Variants in NUCB1 observed in about 807,000 individuals in gnomAD.
NUCB1 encodes the protein nucleobindin 1.
In NUCB1, 47 loss-of-function variants were observed where a neutral mutation model predicts 61.2. The observed-to-expected ratio is 0.77, with a 90% CI of 0.61 to 0.98. The LOEUF is 0.98. Ranked by LOEUF, NUCB1 falls within the 50% of genes least tolerant of loss-of-function variation. The pLI, the probability that NUCB1 is intolerant of heterozygous loss-of-function variation, is 0.00. For synonymous variants in NUCB1, 234 were observed against 243.1 expected, an observed-to-expected ratio of 0.96 and a Z score of 0.35; for missense variants, 583 against 605.3, an observed-to-expected ratio of 0.96 and a Z score of 0.39.
rs1415578181 is a variant in NUCB1, at chr19:48,904,340, G to T, written c.136-7G>T. On this transcript the variant is annotated splice_polypyrimidine_tract_variant and splice_region_variant and intron_variant, in intron 2 of 12. Transcript: ENST00000405315. ...AGGGGCTGCTATGTCTGTCCTTGTT[G>T]CCTCAGGACACAGGCCTGTACTACC... 1 of 1,582,592 alleles carries T rather than the reference G, an allele frequency of 6.3e-7. No individual in the cohort carries two copies. Among genetic ancestry groups the T allele is most frequent in the Non-Finnish European group, 8.7e-7 (1 of 1,151,536 alleles).
rs770403727 is a variant in NUCB1, at chr19:48,919,070, T to C, written c.857T>C (p.Met286Thr). 1.9e-6 allele frequency: 3 copies of C among 1,613,992 alleles called. No homozygotes were observed. Among genetic ancestry groups the C allele is most frequent in the Non-Finnish European group, 2.5e-6 (3 of 1,179,980 alleles). The stretch of plus-strand genomic sequence containing the variant: ...GACCCAAAGAATGAGGAGGACGACA[T>C]GCGGGAGATGGAGGAGGAGCGACTG... The part of the protein sequence containing the change: ...VYDPKNEEDD[M>T]REMEEERLRM... The change falls in exon 9 of 13, where the codon ATG becomes ACG. Residue 286 changes from methionine (M) to threonine (T), a missense_variant. By Grantham distance (81) the Met-to-Thr change is moderately conservative. Coordinates refer to ENST00000405315, the MANE Select transcript of NUCB1 (RefSeq NM_006184.6).
At chr19:48,919,815 CT>C (rs2037588938) in intron 10 of NUCB1, among the ~76,000 whole-genome samples, 1 of 132,062 alleles carries the variant, frequency 7.6e-6, no homozygotes, top group Admixed American at 8.9e-5. Context: ...GTCGCGTAGG[CT>C]GGAGCCCAGT....
chr19:48,908,076 T>C (rs1274853910), intron 4 of NUCB1, among the ~76,000 whole-genome samples: 1 of 152,182 alleles, frequency 6.6e-6, no homozygotes, highest in East Asian at 1.9e-4. Context: ...TGTTCATCCC[T>C]TGGTCGCCTG....
chr19:48,917,275 T>C (rs1028090755), intron 7 of NUCB1, among the ~76,000 whole-genome samples: 2 of 152,218 alleles, frequency 1.3e-5, no homozygotes, highest in Non-Finnish European at 1.5e-5. Flanking sequence ...AGGCAGTCCC[T>C]ACAGACCAGA....
rs562156375 is a variant in NUCB1 at position 48,922,377 on chromosome 19, A to G, written c.1339A>G (p.Lys447Glu). Residue 447 changes from lysine (K) to glutamate (E), a missense_variant, in exon 13 of 13, where the codon AAA (lysine) becomes GAA (glutamate). Transcript: ENST00000405315. ...GAAGGAGGTGGACACTTCAGAAAAG[A>G]AACTTCTCGAGCGGCTCCCTGAGGT... The part of the protein sequence containing the change: ...DQKEVDTSEK[K>E]LLERLPEVEV... 1 of 1,613,856 alleles carries G rather than the reference A, an allele frequency of 6.2e-7. No individual in the cohort carries two copies. Among genetic ancestry groups the G allele is most frequent in the South Asian group, 1.1e-5 (1 of 91,084 alleles).
intron 2 of NUCB1, among the ~76,000 whole-genome samples, chr19:48,902,116 G>A (rs796752109): frequency 2.0e-5 from 3 of 152,232 alleles, no homozygotes; most frequent in Non-Finnish European, 2.9e-5. Context: ...GAAGGGAGGC[G>A]TGAGTTGAGT....
At chr19:48,912,912 C>A in intron 5 of NUCB1, 99 bp from the exon 6 acceptor site, 1 of 801,528 alleles carries the variant, frequency 1.2e-6, no homozygotes, top group Non-Finnish European at 1.9e-6. Flanking sequence ...GCTGGGGCTG[C>A]CCTCAGCCAG....
chr19:48,905,997 C>T (rs939429658), intron 4 of NUCB1, 112 bp downstream of exon 4: 41 of 1,115,170 alleles, frequency 3.7e-5, no homozygotes, highest in Middle Eastern at 2.9e-4. Flanking sequence ...CTCCCCGCTG[C>T]GAAATGTGCT....
At chr19:48,918,526 C>T (rs2037565874) in intron 7 of NUCB1, 200 bp from the exon 8 acceptor site, 1 of 604,172 alleles carries the variant, frequency 1.7e-6, no homozygotes. Context: ...CCATTCTCAA[C>T]CCCCTGGTCG....
intron 4 of NUCB1, among the ~76,000 whole-genome samples, chr19:48,907,255 G>A (rs888067598): frequency 5.2e-4 from 77 of 148,362 alleles, no homozygotes; most frequent in Non-Finnish European, 8.8e-4. Context: ...TTACAGGTGT[G>A]AGCCACCGCG....
chr19:48,918,602 G>A lies in NUCB1; in HGVS notation c.758-124G>A, dbSNP rs538060232. On this transcript the variant is annotated intron_variant, in intron 7 of 12. Transcript: ENST00000405315. ...AGCCTGGGGGCCACCGTTCCACCGCGGGAGACCCGTAGTTACCTGTCCTCT... is the reference window on the plus strand; with the variant it reads ...AGCCTGGGGGCCACCGTTCCACCGCAGGAGACCCGTAGTTACCTGTCCTCT... The A allele has an allele frequency of 2.9e-4, 221 of 772,066 alleles. 2 individuals carry two copies. The South Asian group carries it at 3.0e-3, about 11-fold the overall frequency. 47.8% of individuals were successfully genotyped at this position (772,066 alleles called of 1,614,324 possible). A position where few individuals can be genotyped will look rare whatever the true frequency, so the allele number is the denominator to read the frequency against.
intron 7 of NUCB1, among the ~76,000 whole-genome samples, chr19:48,913,990 T>G (rs1600062452): frequency 7.0e-6 from 1 of 142,700 alleles, no homozygotes; most frequent in Middle Eastern, 3.5e-3. Context: ...TTTTTTGAGA[T>G]GGAGTCTTGC....
At chr19:48,911,305 G>C (rs2037469434) in intron 5 of NUCB1, 53 bp downstream of exon 5, 2 of 1,299,424 alleles carry the variant, frequency 1.5e-6, no homozygotes, top group East Asian at 4.6e-5. Context: ...TGCGGAAGGG[G>C]AGAAGGGGAC....
intron 7 of NUCB1, among the ~76,000 whole-genome samples, chr19:48,914,224 C>T (rs1047988625): frequency 2.6e-5 from 4 of 152,036 alleles, no homozygotes; most frequent in Non-Finnish European, 4.4e-5. Flanking sequence ...GATCTGCCCC[C>T]TCAGCATCCC....
rs11544982 is a variant in NUCB1, at chr19:48,922,752, G to A, written c.*328G>A. ...CCAAGAGGGTCTGCTCTGAGCCTGC[G>A]TTCCTAGGTGGCTCGGCCTCAGCTG... On this transcript the variant is annotated 3_prime_UTR_variant, in exon 13 of 13. Coordinates refer to ENST00000405315, the MANE Select transcript of NUCB1 (RefSeq NM_006184.6). The A allele has an allele frequency of 2.7e-4, 69 of 256,752 alleles. No homozygotes were observed. The highest frequency in any genetic ancestry group is 4.2e-4 in the Non-Finnish European group (55 of 130,194). 15.9% of individuals were successfully genotyped at this position (256,752 alleles called of 1,614,324 possible). A position where few individuals can be genotyped will look rare whatever the true frequency, so the allele number is the denominator to read the frequency against.
chr19:48,911,725 C>T (rs2037476328), intron 5 of NUCB1, among the ~76,000 whole-genome samples: 1 of 152,068 alleles, frequency 6.6e-6, no homozygotes, highest in East Asian at 1.9e-4. Flanking sequence ...GTGATACCCA[C>T]CGTAATCTAG....
At chr19:48,907,630 G>A (rs2037426628) in intron 4 of NUCB1, among the ~76,000 whole-genome samples, 1 of 152,144 alleles carries the variant, frequency 6.6e-6, no homozygotes, top group Admixed American at 6.6e-5. Context: ...AGCCCGGAAA[G>A]GTCACGCATT....
At chr19:48,908,724 GTGTGTGTGT>G (rs2037440556) in intron 4 of NUCB1, among the ~76,000 whole-genome samples, 2 of 92,794 alleles carry the variant, frequency 2.2e-5, no homozygotes, top group East Asian at 2.6e-4. Flanking sequence ...ACCAAGGGGT[GTGTGTGTGT>G]GTGTGTGTGT....
At position 48,922,326 on chromosome 19, in the gene NUCB1, C is replaced by G. The variant is rs778971270; in HGVS notation, c.1288C>G (p.Pro430Ala). 1.4e-5 allele frequency: 22 copies of G among 1,613,314 alleles called. No homozygotes were observed. In the Admixed American group the frequency reaches 3.3e-4, roughly 24 times the overall value. ...CCTCCCTCCATTTCCAGACGATGTA[C>G]CTGTCCCAGCTCCAGCCGGTGACCA... ...LKFHPDTDDV[P>A]VPAPAGDQKE... The change falls in exon 13 of 13, where the codon CCT (proline) becomes GCT (alanine). Residue 430 changes from proline (P) to alanine (A), a missense_variant. Pro to Ala is a conservative substitution (Grantham distance 27). Transcript: ENST00000405315.
Sources: allele counts gnomAD v4.1 joint callset (sites outside exome capture counted in the v4.1 genomes callset), GRCh38; gene constraint gnomAD v4.1.1; transcripts MANE v1.5; gene names NCBI Gene and HGNC (gene_info 2026-07-23, HGNC 2026-07-21).